ABCA13: variants seen among roughly 807,000 people sequenced by gnomAD.
ABCA13 encodes the protein ATP binding cassette subfamily A member 13.
A neutral mutation model predicts 478.7 loss-of-function variants in ABCA13; 476 were observed. That is an observed-to-expected ratio of 0.99 (90% confidence interval 0.92 to 1.07). ABCA13 has a LOEUF of 1.07. Ranked by LOEUF, ABCA13 falls within the 50% of genes least tolerant of loss-of-function variation. The pLI, the probability that ABCA13 is intolerant of heterozygous loss-of-function variation, is 0.00. For synonymous variants in ABCA13, 2,252 were observed against 2,158.9 expected, an observed-to-expected ratio of 1.04 and a Z score of -1.20; for missense variants, 6,060 against 5,910.6, an observed-to-expected ratio of 1.03 and a Z score of -0.83.
At chr7:48,340,499 A>G (rs1027526073) in intron 29 of ABCA13, among the ~76,000 whole-genome samples, 1 of 152,236 alleles carries the variant, frequency 6.6e-6, no homozygotes, top group Non-Finnish European at 1.5e-5. Flanking sequence ...TAAGCCAGAA[A>G]ACAAATCCAC....
intron 61 of ABCA13, 142 bp downstream of exon 61, chr7:48,644,896 G>A (rs1795338887): frequency 5.3e-6 from 5 of 944,408 alleles, no homozygotes; most frequent in Non-Finnish European, 7.5e-6. Flanking sequence ...ATTATGATAA[G>A]GATGGTGAGT....
chr7:48,614,885 T>G (rs1585990068), intron 58 of ABCA13, among the ~76,000 whole-genome samples: 1 of 82,842 alleles, frequency 1.2e-5, no homozygotes, highest in Non-Finnish European at 2.2e-5. Context: ...GGGACTGTTG[T>G]GGGGTGGGGG....
At chr7:48,454,811 G>C (rs58400216) in intron 42 of ABCA13, among the ~76,000 whole-genome samples, 1 of 152,214 alleles carries the variant, frequency 6.6e-6, no homozygotes, top group Admixed American at 6.5e-5. Context: ...CTCCTGCCAC[G>C]CGTTGCCACG....
chr7:48,200,933 C>G (rs1442753843), intron 3 of ABCA13, among the ~76,000 whole-genome samples: 1 of 152,210 alleles, frequency 6.6e-6, no homozygotes, highest in East Asian at 1.9e-4. Context: ...TTGGGGAAAC[C>G]AGCCCCACAC....
rs530575437 is a variant in ABCA13, at chr7:48,592,888, A to G, written c.14641-1822A>G. Among the ~76,000 whole-genome samples the G allele has an allele frequency of 1.4e-3, 219 of 152,016 alleles. 1 individual carries two copies. In the Middle Eastern group the frequency reaches 0.017, roughly 12 times the overall value. ...TTTTGTGTGACATAAATATAGATAA[A>G]CATGCCCTCTGGGTCATCATTTGCT... On this transcript the variant is annotated intron_variant, in intron 57 of 61. Coordinates refer to ENST00000435803, the MANE Select transcript of ABCA13 (RefSeq NM_152701.5).
At chr7:48,251,308 TG>T (rs1224217639) in intron 15 of ABCA13, among the ~76,000 whole-genome samples, 1 of 152,218 alleles carries the variant, frequency 6.6e-6, no homozygotes, top group East Asian at 1.9e-4. Context: ...GCAACAGGCT[TG>T]TGGTTCAGAA....
At chr7:48,552,671 TTTAAG>T (rs1785440275) in intron 55 of ABCA13, among the ~76,000 whole-genome samples, 1 of 151,364 alleles carries the variant, frequency 6.6e-6, no homozygotes, top group African/African-American at 2.4e-5. Flanking sequence ...AATGTTATGA[TTTAAG>T]TTGTTTAATT....
intron 45 of ABCA13, 55 bp from the exon 46 acceptor site, chr7:48,480,981 A>G: frequency 3.5e-6 from 4 of 1,140,856 alleles, no homozygotes; most frequent in Non-Finnish European, 5.2e-6. Context: ...ATGTCAGTGA[A>G]CCAGTTTGTG....
At position 48,392,141 on chromosome 7, in the gene ABCA13, T is replaced by G. The variant is rs531845097; in HGVS notation, c.11873+2T>G. ...GGAGCTGCATCAGCAAGTCAATCAG[T>G]TAGTAAACAGTTGTCTCTCTGCTCC... On this transcript the variant is annotated splice_donor_variant, in intron 38 of 61. Transcript: ENST00000435803. LOFTEE classifies it high-confidence loss of function. 102 of 1,613,404 alleles carry G rather than the reference T, an allele frequency of 6.3e-5. 2 individuals are homozygous for G. The South Asian group carries it at 1.1e-3, about 17-fold the overall frequency.
chr7:48,478,293 T>TTA (rs3078321), intron 45 of ABCA13, among the ~76,000 whole-genome samples: 1,958 of 132,812 alleles, frequency 0.015, 22 homozygotes, highest in South Asian at 0.026. Context: ...ATATATCATT[T>TTA]TATATATATA....
intron 3 of ABCA13, among the ~76,000 whole-genome samples, chr7:48,202,503 C>G (rs1415678829): frequency 6.7e-6 from 1 of 150,120 alleles, no homozygotes; most frequent in African/African-American, 2.5e-5. Flanking sequence ...AAGGCCCCAC[C>G]AGAGCAGCTA....
chr7:48,293,398 A>C (rs1047788654), intron 20 of ABCA13, among the ~76,000 whole-genome samples: 5 of 152,200 alleles, frequency 3.3e-5, no homozygotes, highest in Non-Finnish European at 7.3e-5. Context: ...TTTTGAAAAA[A>C]ATATTCAAAG....
intron 23 of ABCA13, among the ~76,000 whole-genome samples, chr7:48,303,896 G>C (rs761071153): frequency 6.6e-6 from 1 of 152,114 alleles, no homozygotes; most frequent in African/African-American, 2.4e-5. Flanking sequence ...GCATAGGAAG[G>C]TATAACCTAA....
At chr7:48,479,262 G>T (rs1451700571) in intron 45 of ABCA13, among the ~76,000 whole-genome samples, 12 of 130,664 alleles carry the variant, frequency 9.2e-5, no homozygotes, top group African/African-American at 3.5e-4. Flanking sequence ...TTTTGAGACA[G>T]AGTCTCGCTC....
Position 48,404,312 on chromosome 7 carries a change from C to A in ABCA13, c.12070+433C>A, listed in dbSNP as rs115578166. On this transcript the variant is annotated intron_variant, in intron 39 of 61. Coordinates refer to ENST00000435803, the MANE Select transcript of ABCA13 (RefSeq NM_152701.5). ...TCCTGAACTGAGGGTGGATGTTGAA[C>A]CTCTTGTCCATGTTTCTCACATCTA... 621 of 223,656 alleles carry A rather than the reference C, an allele frequency of 2.8e-3. 7 individuals carry two copies. The highest frequency in any genetic ancestry group is 0.014 in the African/African-American group (587 of 43,054). The allele number at this position is 223,656 out of a possible 1,614,324, so 13.9% of individuals were successfully genotyped here. A position where few individuals can be genotyped will look rare whatever the true frequency, so the allele number is the denominator to read the frequency against.
chr7:48,318,331 A>G (rs958121279), intron 27 of ABCA13, among the ~76,000 whole-genome samples: 17 of 151,890 alleles, frequency 1.1e-4, no homozygotes, highest in Non-Finnish European at 1.8e-4. Flanking sequence ...ACATTTATAT[A>G]ATTTATTTAA....
At chr7:48,624,415 C>G (rs1300812133) in intron 59 of ABCA13, among the ~76,000 whole-genome samples, 1 of 152,012 alleles carries the variant, frequency 6.6e-6, no homozygotes, top group Non-Finnish European at 1.5e-5. Flanking sequence ...TAAAAACACT[C>G]CTGTCATGGA....
At chr7:48,560,417 C>T (rs1414888939) in intron 55 of ABCA13, among the ~76,000 whole-genome samples, 3 of 152,158 alleles carry the variant, frequency 2.0e-5, no homozygotes, top group Non-Finnish European at 4.4e-5. Flanking sequence ...ATGTAATCAG[C>T]GATTTATGAC....
intron 55 of ABCA13, among the ~76,000 whole-genome samples, chr7:48,549,101 G>A (rs970519365): frequency 1.3e-5 from 2 of 151,694 alleles, no homozygotes; most frequent in Non-Finnish European, 2.9e-5. Context: ...GAATGTGCAG[G>A]TTTGTTACTT....
Sources: gnomAD v4.1 joint callset for allele counts (sites outside exome capture counted in the v4.1 genomes callset) on GRCh38, gnomAD v4.1.1 for gene constraint, MANE v1.5 for transcripts, NCBI Gene and HGNC (gene_info 2026-07-23, HGNC 2026-07-21) for gene names.